Variants in SNTG2 observed in about 807,000 individuals in gnomAD.
SNTG2 encodes syntrophin gamma 2, also known as gamma-2-syntrophin.
A neutral mutation model predicts 70.9 loss-of-function variants in SNTG2; 74 were observed. The observed-to-expected ratio is 1.04, with a 90% confidence interval of 0.86 to 1.27. The LOEUF (loss-of-function observed/expected upper bound fraction) is 1.27, where lower values mean the gene tolerates loss of function less well. Among genes scored for constraint, SNTG2 ranks in the 50% most tolerant of loss-of-function variants. The pLI, the probability that SNTG2 is intolerant of heterozygous loss-of-function variation, is 0.00. For synonymous variants in SNTG2, 278 were observed against 273.8 expected, an observed-to-expected ratio of 1.02 and a Z score of -0.15; for missense variants, 717 against 690.7, an observed-to-expected ratio of 1.04 and a Z score of -0.43.
intron 4 of SNTG2, among the ~76,000 whole-genome samples, chr2:1,104,200 G>A (rs1358222417): frequency 3.3e-5 from 5 of 152,244 alleles, no homozygotes; most frequent in East Asian, 1.9e-4. Context: ...TCTTTCAAAC[G>A]TTTGTAAAGA....
intron 15 of SNTG2, among the ~76,000 whole-genome samples, chr2:1,315,120 G>A (rs1421485111): frequency 6.6e-5 from 10 of 152,208 alleles, no homozygotes; most frequent in South Asian, 2.1e-4. Context: ...GTCCAGGTGG[G>A]TGTGGGCTCA....
At chr2:1,307,243 G>C (rs1236857438) in intron 14 of SNTG2, among the ~76,000 whole-genome samples, 2 of 149,406 alleles carry the variant, frequency 1.3e-5, no homozygotes, top group African/African-American at 5.0e-5. Flanking sequence ...TGGTGGGTGA[G>C]CCGTGCATTG....
chr2:1,097,141 T>G lies in SNTG2; in HGVS notation c.211-1055T>G, dbSNP rs1425325837. On this transcript the variant is annotated intron_variant, in intron 2 of 16. Transcript: ENST00000308624. This position sits in a 1 kb window ranked among gnomAD's most constrained non-coding sequence, Gnocchi z 4.1. Reference sequence around the variant, plus strand: ...AACACAGGTATATTTGCTCTAATTTTTGGTTTCTTTCCTTTGAGTTTATGA... The same window carrying G: ...AACACAGGTATATTTGCTCTAATTTGTGGTTTCTTTCCTTTGAGTTTATGA... Among the ~76,000 whole-genome samples, 1 of 152,234 alleles carries G rather than the reference T, an allele frequency of 6.6e-6. No individual in the cohort carries two copies. Among genetic ancestry groups the G allele is most frequent in the Non-Finnish European group, 1.5e-5 (1 of 68,038 alleles).
intron 16 of SNTG2, among the ~76,000 whole-genome samples, chr2:1,350,566 TG>T (rs1660522970): frequency 6.6e-6 from 1 of 152,242 alleles, no homozygotes; most frequent in African/African-American, 2.4e-5. Context: ...TTTCTGCACA[TG>T]TGCTTTGAAA....
chr2:1,246,774 T>A (rs2148130204), intron 11 of SNTG2, among the ~76,000 whole-genome samples: 1 of 152,272 alleles, frequency 6.6e-6, no homozygotes, highest in Non-Finnish European at 1.5e-5. Context: ...TATTTAAATG[T>A]TTTTGAATCA....
At chr2:1,309,278 A>C (rs1180219224) in intron 15 of SNTG2, among the ~76,000 whole-genome samples, 1 of 152,172 alleles carries the variant, frequency 6.6e-6, no homozygotes, top group African/African-American at 2.4e-5. Context: ...TTGTTATCTC[A>C]TGGTCATTTC....
chr2:1,161,388 G>T lies in SNTG2; in HGVS notation c.412-4160G>T, dbSNP rs375404422. The T allele has an allele frequency of 2.1e-3, 313 of 151,946 alleles. 1 individual carries two copies. Among genetic ancestry groups the T allele is most frequent in the African/African-American group, 7.3e-3 (304 of 41,444 alleles). 9.4% of individuals were successfully genotyped at this position (151,946 alleles called of 1,614,324 possible). ...GTGTTGAGAGAGAGAGAGATAGAGA[G>T]AGAGACAGAAAAGGGGAAAGCCTCC... On this transcript the variant is annotated intron_variant, in intron 6 of 16. Transcript: ENST00000308624.
chr2:1,208,084 C>T (rs1208003553), intron 8 of SNTG2, among the ~76,000 whole-genome samples: 5 of 152,222 alleles, frequency 3.3e-5, no homozygotes, highest in South Asian at 4.1e-4. Context: ...GACAGATGCT[C>T]GGATTCCAGG....
chr2:1,074,064 G>C (rs1284366774), intron 1 of SNTG2, among the ~76,000 whole-genome samples: 1 of 152,202 alleles, frequency 6.6e-6, no homozygotes, highest in Non-Finnish European at 1.5e-5. Flanking sequence ...AAACCGCCCA[G>C]ATAGGTTCCC....
chr2:1,017,410 C>T (rs1659931844), intron 1 of SNTG2, among the ~76,000 whole-genome samples: 1 of 152,176 alleles, frequency 6.6e-6, no homozygotes, highest in Non-Finnish European at 1.5e-5. Context: ...CATGCAGACA[C>T]ATGGAGCTAC....
intron 16 of SNTG2, among the ~76,000 whole-genome samples, chr2:1,325,745 A>C (rs1414262531): frequency 1.3e-5 from 2 of 152,216 alleles, no homozygotes; most frequent in East Asian, 3.8e-4. Context: ...ATGGTTAAAG[A>C]CTCAATTGGC....
In SNTG2 at chr2:1,137,657, G is replaced by T. The variant is rs1275559478; in HGVS notation, c.361G>T (p.Val121Phe). Residue 121 changes from valine (V) to phenylalanine (F), a missense_variant, in exon 5 of 17, where the codon GTT (valine) becomes TTT (phenylalanine). Physicochemically the swap from Val to Phe is conservative, Grantham distance 50. Transcript: ENST00000308624. ...AGGGATGTTGTTCGTAGGAGATGCT[G>T]TTCTCCAGGTCAGTATTGTACACGT... Reference protein sequence around the residue: ...QTGMLFVGDAVLQVNGIHVEN... With the variant: ...QTGMLFVGDAFLQVNGIHVEN... The T allele has an allele frequency of 1.9e-6, 3 of 1,613,128 alleles. No individual in the cohort carries two copies. The highest frequency in any genetic ancestry group is 1.7e-5 in the Admixed American group (1 of 59,736).
intron 1 of SNTG2, among the ~76,000 whole-genome samples, chr2:1,009,996 A>G (rs1659684525): frequency 6.6e-6 from 1 of 152,180 alleles, no homozygotes. Flanking sequence ...AAGGAGCAGT[A>G]CTTTTGCTGG....
At chr2:1,289,173 A>G (rs185889424) in intron 14 of SNTG2, among the ~76,000 whole-genome samples, 336 of 152,156 alleles carry the variant, frequency 2.2e-3, no homozygotes, top group Non-Finnish European at 4.2e-3. Context: ...ATCCTAATCA[A>G]TATCACACCC....
At chr2:1,100,920 C>T (rs1332319276) in intron 4 of SNTG2, among the ~76,000 whole-genome samples, 1 of 151,874 alleles carries the variant, frequency 6.6e-6, no homozygotes, top group African/African-American at 2.4e-5. Flanking sequence ...GCTACACTCC[C>T]TGGAGTGTGA....
intron 1 of SNTG2, among the ~76,000 whole-genome samples, chr2:967,254 T>C (rs767735389): frequency 1.3e-5 from 2 of 152,168 alleles, no homozygotes; most frequent in Non-Finnish European, 2.9e-5. Context: ...ACCACAAATA[T>C]GCTATTTAGT....
intron 1 of SNTG2, among the ~76,000 whole-genome samples, chr2:961,496 C>A (rs1347545179): frequency 2.0e-5 from 3 of 152,178 alleles, no homozygotes; most frequent in African/African-American, 7.2e-5. Context: ...ACGGTGTGCC[C>A]AGGAAATGTT....
chr2:1,238,272 GTCTC>G (rs1277795827), intron 10 of SNTG2, among the ~76,000 whole-genome samples: 2 of 151,666 alleles, frequency 1.3e-5, no homozygotes, highest in African/African-American at 4.8e-5. Context: ...GTCTGCCTCT[GTCTC>G]TCTCCCTCCC....
chr2:1,225,688 T>C (rs1675725987), intron 9 of SNTG2, among the ~76,000 whole-genome samples: 1 of 152,210 alleles, frequency 6.6e-6, no homozygotes, highest in Non-Finnish European at 1.5e-5. Flanking sequence ...TCCACTCACG[T>C]CTGCATTTTG....
Sources: gnomAD v4.1 joint callset for allele counts (sites outside exome capture counted in the v4.1 genomes callset) on GRCh38, gnomAD v4.1.1 for gene constraint, Gnocchi (gnomAD v3.1) non-coding constraint, MANE v1.5 for transcripts, NCBI Gene and HGNC (gene_info 2026-07-23, HGNC 2026-07-21) for gene names.